Variants in SHISA9 observed in about 807,000 individuals in gnomAD.
SHISA9 encodes the protein protein shisa-9.
In SHISA9, 13 loss-of-function variants were observed where a neutral mutation model predicts 38.0. The observed-to-expected ratio is 0.34, with a 90% confidence interval of 0.22 to 0.54. The LOEUF is 0.54. Among genes scored for constraint, SHISA9 ranks in the 20% least tolerant of loss-of-function variants. The pLI, the probability that SHISA9 is intolerant of heterozygous loss-of-function variation, is 0.91. For synonymous variants in SHISA9, 275 were observed against 242.0 expected (o/e 1.14, Z -1.27); for missense variants, 538 against 575.8 (o/e 0.93, Z 0.67).
At chr16:13,300,751 A>G in the SHISA9 span, among the ~76,000 whole-genome samples, 1 of 152,016 alleles carries the variant, frequency 6.6e-6, no homozygotes, top group Admixed American at 6.5e-5. Context: ...CAAAGAGACC[A>G]GGTTTCATTT....
chr16:12,912,353 G>A (rs1373141493), intron 1 of SHISA9, among the ~76,000 whole-genome samples: 1 of 152,146 alleles, frequency 6.6e-6, no homozygotes, highest in Non-Finnish European at 1.5e-5. Flanking sequence ...CAGGGGATCT[G>A]CGGATGGCAG....
the SHISA9 span, among the ~76,000 whole-genome samples, chr16:13,555,204 A>C: frequency 6.6e-6 from 1 of 152,254 alleles, no homozygotes; most frequent in Non-Finnish European, 1.5e-5. Flanking sequence ...CTGTTAGTAC[A>C]GTGCTTGGTT....
chr16:13,092,862 G>A (rs1296548130), intron 2 of SHISA9, among the ~76,000 whole-genome samples: 6 of 152,184 alleles, frequency 3.9e-5, no homozygotes, highest in African/African-American at 1.4e-4. Context: ...GACGAACCAG[G>A]TACCTCAGTT....
chr16:12,999,829 G>T lies in SHISA9; in HGVS notation c.691+83014G>T, dbSNP rs113065836. On this transcript the variant is annotated intron_variant, in intron 2 of 4. Coordinates refer to ENST00000558583, the MANE Select transcript of SHISA9 (RefSeq NM_001145204.3). Reference sequence around the variant, plus strand: ...CATGGAGGATATACTCCTGCTTCCCGCAATGCCCTTTCCCGCAAGTGTCCA... The same window carrying T: ...CATGGAGGATATACTCCTGCTTCCCTCAATGCCCTTTCCCGCAAGTGTCCA... 2.3e-3 allele frequency among the ~76,000 whole-genome samples: 349 copies of T among 152,256 alleles called. 2 individuals are homozygous for T. Among genetic ancestry groups the T allele is most frequent in the African/African-American group, 7.9e-3 (330 of 41,560 alleles).
chr16:13,388,905 G>A, the SHISA9 span, among the ~76,000 whole-genome samples: 148 of 152,232 alleles, frequency 9.7e-4, no homozygotes, highest in African/African-American at 3.3e-3. Context: ...GAGAACCTTT[G>A]TAAAAAATTT....
chr16:13,059,526 T>G (rs1312037723), intron 2 of SHISA9, among the ~76,000 whole-genome samples: 3 of 151,738 alleles, frequency 2.0e-5, no homozygotes. Flanking sequence ...AAGGTTCAGG[T>G]GGGGAGGGAG....
At chr16:12,994,444 G>A (rs2072431509) in intron 2 of SHISA9, among the ~76,000 whole-genome samples, 1 of 152,204 alleles carries the variant, frequency 6.6e-6, no homozygotes, top group Non-Finnish European at 1.5e-5. Context: ...GCAGAACTGA[G>A]CAGAGGCTTT....
intron 2 of SHISA9, among the ~76,000 whole-genome samples, chr16:13,115,654 C>T (rs1210293879): frequency 6.6e-6 from 1 of 152,156 alleles, no homozygotes; most frequent in Non-Finnish European, 1.5e-5. Context: ...CAGTTTATGG[C>T]CAGATTTTGG....
chr16:13,244,211 C>T (rs775279761), downstream of SHISA9, among the ~76,000 whole-genome samples: 4 of 151,532 alleles, frequency 2.6e-5, no homozygotes, highest in Non-Finnish European at 5.9e-5. Flanking sequence ...CATAGAATTA[C>T]AAAAAAAACC....
the SHISA9 span, chr16:13,331,495 C>T: frequency 1.3e-5 from 2 of 151,828 alleles, no homozygotes; most frequent in Non-Finnish European, 2.9e-5. Flanking sequence ...GAGCAAATCA[C>T]ATTATACATA....
intron 2 of SHISA9, among the ~76,000 whole-genome samples, chr16:13,112,876 C>G (rs993959332): frequency 1.3e-5 from 2 of 151,928 alleles, no homozygotes; most frequent in African/African-American, 2.4e-5. Context: ...ATTAGGGTCT[C>G]TTTTTACCCT....
At chr16:13,045,813 CCTT>C (rs2073181810) in intron 2 of SHISA9, among the ~76,000 whole-genome samples, 1 of 152,114 alleles carries the variant, frequency 6.6e-6, no homozygotes, top group Non-Finnish European at 1.5e-5. Context: ...AGGCTTTTGT[CCTT>C]CTCCAAGCTG....
intron 2 of SHISA9, among the ~76,000 whole-genome samples, chr16:13,160,257 GGA>G (rs149010370): frequency 6.6e-6 from 1 of 151,588 alleles, no homozygotes; most frequent in South Asian, 2.1e-4. Context: ...GAGCAATGAG[GGA>G]GAGAGAGAGA....
chr16:13,527,313 A>G, the SHISA9 span, among the ~76,000 whole-genome samples: 1 of 152,304 alleles, frequency 6.6e-6, no homozygotes, highest in Admixed American at 6.5e-5. Flanking sequence ...CCCTCCATCT[A>G]CAAGGTTCTA....
At chr16:13,113,608 C>T (rs762100667) in intron 2 of SHISA9, among the ~76,000 whole-genome samples, 12 of 152,166 alleles carry the variant, frequency 7.9e-5, no homozygotes, top group Non-Finnish European at 1.2e-4. Context: ...CTCATTATTG[C>T]GTCCAATACA....
intron 2 of SHISA9, among the ~76,000 whole-genome samples, chr16:12,975,224 A>G (rs767254752): frequency 2.6e-5 from 4 of 152,096 alleles, no homozygotes; most frequent in African/African-American, 4.8e-5. Context: ...ACATAATCAA[A>G]GTGTTGGGGA....
intron 2 of SHISA9, among the ~76,000 whole-genome samples, chr16:12,954,482 G>A (rs2071802498): frequency 6.6e-6 from 1 of 152,132 alleles, no homozygotes; most frequent in African/African-American, 2.4e-5. Flanking sequence ...GGGGAACAGT[G>A]TGTGTGTGGA....
intron 2 of SHISA9, among the ~76,000 whole-genome samples, chr16:12,998,260 G>C (rs546272330): frequency 2.6e-5 from 4 of 152,198 alleles, no homozygotes; most frequent in Non-Finnish European, 5.9e-5. Flanking sequence ...AGTTAAGGTA[G>C]GCTGTACCAC....
intron 2 of SHISA9, among the ~76,000 whole-genome samples, chr16:13,022,609 G>A (rs2072871793): frequency 1.3e-5 from 2 of 152,064 alleles, no homozygotes; most frequent in Admixed American, 6.6e-5. Flanking sequence ...TGGGATTACA[G>A]TTGTAAGCCA....
Sources: allele counts gnomAD v4.1 joint callset (sites outside exome capture counted in the v4.1 genomes callset), GRCh38; gene constraint gnomAD v4.1.1; transcripts MANE v1.5; gene names NCBI Gene and HGNC (gene_info 2026-07-23, HGNC 2026-07-21).